The following CCDC14 variants were observed in gnomAD, a reference collection of about 807,000 sequenced individuals.
CCDC14 encodes coiled-coil domain-containing protein 14.
In CCDC14, 71 loss-of-function variants were observed where a neutral mutation model predicts 81.4. The observed-to-expected ratio is 0.87, with a 90% CI of 0.72 to 1.06. The LOEUF is 1.06. Ranked by LOEUF, CCDC14 falls within the 50% of genes least tolerant of loss-of-function variation. CCDC14 has a pLI of 0.00. For missense variants in CCDC14, 1,046 were observed against 1,047.3 expected (o/e 1.00, Z 0.02); for synonymous variants, 332 against 364.8 (o/e 0.91, Z 1.03).
rs956765692 is a variant in CCDC14, at chr3:123,947,301, T to C, written c.703A>G (p.Asn235Asp). Residue 235 changes from asparagine (N) to aspartate (D), a missense_variant, in exon 8 of 13, where the codon AAC (asparagine) becomes GAC (aspartate). Asn to Asp is a conservative substitution (Grantham distance 23). Transcript: ENST00000409697. ...TTACCTTGTGATGCAAACTGACTGT[T>C]GCCATCAGTTTGAACTTCCTAAAGA... ...KVHSEVQTDG[N>D]SQFASQGKTV... is the part of the protein sequence containing the mutation. The C allele has an allele frequency of 3.1e-6, 5 of 1,609,556 alleles. No homozygotes were observed. Among genetic ancestry groups the C allele is most frequent in the Non-Finnish European group, 4.2e-6 (5 of 1,176,836 alleles).
chr3:123,933,813 C>T, intron 9 of CCDC14, 58 bp from the exon 10 acceptor site: 1 of 1,092,846 alleles, frequency 9.2e-7, no homozygotes, highest in Non-Finnish European at 1.4e-6. Context: ...TAATAGTATA[C>T]ATGTGATAGC....
Position 123,913,969 on chromosome 3 carries a change from A to T in CCDC14, c.*810T>A. On this transcript the variant is annotated 3_prime_UTR_variant, in exon 13 of 13. Coordinates refer to ENST00000409697, the MANE Select transcript of CCDC14 (RefSeq NM_001366335.1). ...TTCTCAGCTAACATGCTGGGAGAAA[A>T]AATTCTTCCAAAAAGGCAGAATTAC... The T allele has an allele frequency of 1.0e-6, 1 of 985,570 alleles. No homozygotes were observed. Among genetic ancestry groups the T allele is most frequent in the Non-Finnish European group, 1.2e-6 (1 of 829,732 alleles). The allele number at this position is 985,570 out of a possible 1,614,324, so 61.1% of individuals were successfully genotyped here.
In CCDC14 at chr3:123,944,882, T is replaced by G. The variant is rs777777888; in HGVS notation, c.1310A>C (p.Gln437Pro). The change falls in exon 9 of 13, where the codon CAA becomes CCA. Residue 437 changes from glutamine (Q) to proline (P), a missense_variant. Gln to Pro is a moderately conservative substitution (Grantham distance 76, BLOSUM62 -1). Coordinates refer to ENST00000409697, the MANE Select transcript of CCDC14 (RefSeq NM_001366335.1). ...DIQVEIALAM[Q>P]PLRSENAQLR... The stretch of plus-strand genomic sequence containing the variant: ...CTGAGCATTCTCACTTCTTAATGGT[T>G]GCATGGCCAGTGCTATCTCAACTTG... 15 of 1,611,848 alleles carry G rather than the reference T, an allele frequency of 9.3e-6. No homozygotes were observed. Among genetic ancestry groups the G allele is most frequent in the Admixed American group, 3.3e-5 (2 of 59,916 alleles).
intron 5 of CCDC14, among the ~76,000 whole-genome samples, chr3:123,900,379 G>C (rs1446592756): frequency 6.6e-6 from 1 of 152,198 alleles, no homozygotes; most frequent in Non-Finnish European, 1.5e-5. Context: ...GACATTAGGA[G>C]GCTGCCTAAA....
intron 8 of CCDC14, 141 bp downstream of exon 8, chr3:123,946,662 A>G (rs1310192914): frequency 6.1e-6 from 5 of 819,226 alleles, no homozygotes; most frequent in African/African-American, 3.4e-5. Context: ...AAATAATACA[A>G]TAAGTAGAAC....
chr3:123,894,664 C>T (rs2034034234), downstream of CCDC14, among the ~76,000 whole-genome samples: 1 of 152,090 alleles, frequency 6.6e-6, no homozygotes, highest in Non-Finnish European at 1.5e-5. Context: ...CTTTCACCTC[C>T]TTGGTTAAAT....
downstream of CCDC14, among the ~76,000 whole-genome samples, chr3:123,893,411 AT>A (rs549335583): frequency 6.6e-6 from 1 of 152,214 alleles, no homozygotes; most frequent in East Asian, 1.9e-4. Context: ...TCAAAACTTC[AT>A]TTTTTTATAG....
chr3:123,911,476 T>G (rs2034443433), downstream of CCDC14, among the ~76,000 whole-genome samples: 1 of 152,200 alleles, frequency 6.6e-6, no homozygotes, highest in Non-Finnish European at 1.5e-5. Flanking sequence ...CCCTAGTGGT[T>G]GCTTAAATTC....
intron 1 of CCDC14, 98 bp downstream of exon 1, chr3:123,961,046 T>C (rs1320189534): frequency 5.5e-6 from 6 of 1,084,120 alleles, no homozygotes; most frequent in Non-Finnish European, 7.9e-6. Flanking sequence ...CGCATTGTCT[T>C]TGTCTTTTTT....
chr3:123,947,556 C>T (rs561222894), intron 7 of CCDC14, among the ~76,000 whole-genome samples: 6 of 152,156 alleles, frequency 3.9e-5, no homozygotes, highest in African/African-American at 1.2e-4. Context: ...TGAAACATTT[C>T]TGTAAATATG....
Position 123,915,089 on chromosome 3 carries a change from A to AT in CCDC14, c.2407dup (p.Met803AsnfsTer16), listed in dbSNP as rs1559761405. ...TTTCTTGAGGAGCTGTGTGTCCTTC[A>AT]TATCAGATGCTCTGGAAAGTTTTTC... On this transcript the variant is annotated frameshift_variant, in exon 13 of 13. Transcript: ENST00000409697. LOFTEE classifies it high-confidence loss of function. 1.5e-5 allele frequency: 24 copies of AT among 1,613,994 alleles called. No homozygotes were observed. Among genetic ancestry groups the AT allele is most frequent in the Non-Finnish European group, 1.9e-5 (23 of 1,179,900 alleles).
chr3:123,903,310 AC>A (rs2034218287), intron 5 of CCDC14, among the ~76,000 whole-genome samples: 4 of 32,942 alleles, frequency 1.2e-4, no homozygotes, highest in Non-Finnish European at 2.6e-4. Context: ...ACACACACAC[AC>A]ACACACACAC....
the CCDC14 span, among the ~76,000 whole-genome samples, chr3:123,885,839 GT>G: frequency 6.6e-6 from 1 of 151,860 alleles, no homozygotes; most frequent in Admixed American, 6.6e-5. Context: ...TAATAATTTT[GT>G]TTTCATTTAT....
intron 5 of CCDC14, among the ~76,000 whole-genome samples, chr3:123,900,591 G>A (rs1421384324): frequency 6.6e-6 from 1 of 152,110 alleles, no homozygotes; most frequent in East Asian, 1.9e-4. Flanking sequence ...TCTTTCTTAT[G>A]TTTACATAAT....
At chr3:123,921,290 C>T (rs2035029344) in intron 12 of CCDC14, among the ~76,000 whole-genome samples, 1 of 152,120 alleles carries the variant, frequency 6.6e-6, no homozygotes, top group Non-Finnish European at 1.5e-5. Context: ...ACACGAGGCT[C>T]ACTCTAAGGT....
At chr3:123,908,883 G>C (rs1258687761), downstream of CCDC14, among the ~76,000 whole-genome samples, 1 of 152,038 alleles carries the variant, frequency 6.6e-6, no homozygotes, top group Non-Finnish European at 1.5e-5. Flanking sequence ...TTACTGATTT[G>C]CTCTAGTTTT....
chr3:123,955,263 C>T (rs2037256013), intron 5 of CCDC14: 1 of 152,050 alleles, frequency 6.6e-6, no homozygotes, highest in Non-Finnish European at 1.5e-5. Context: ...ATCTTGTTTT[C>T]TAGGCCTCCA....
chr3:123,905,330 C>T (rs1007219706), intron 5 of CCDC14, among the ~76,000 whole-genome samples: 2 of 152,184 alleles, frequency 1.3e-5, no homozygotes, highest in African/African-American at 2.4e-5. Flanking sequence ...CATTTTTCTT[C>T]TCCCCGCACA....
intron 9 of CCDC14, among the ~76,000 whole-genome samples, chr3:123,942,174 G>T (rs1234102895): frequency 6.6e-6 from 1 of 151,896 alleles, no homozygotes; most frequent in Non-Finnish European, 1.5e-5. Context: ...TAACTTCTTA[G>T]ATATATAACC....
Sources: allele counts gnomAD v4.1 joint callset (sites outside exome capture counted in the v4.1 genomes callset), GRCh38; gene constraint gnomAD v4.1.1; transcripts MANE v1.5; gene names NCBI Gene and HGNC (gene_info 2026-07-23, HGNC 2026-07-21).